Variants in ATF2 observed in about 807,000 individuals in gnomAD.
The protein encoded by ATF2 is activating transcription factor 2, also known as cyclic AMP-dependent transcription factor ATF-2.
In ATF2, 24 loss-of-function variants were observed where a neutral mutation model predicts 60.6. The observed-to-expected ratio is 0.40, with a 90% CI of 0.29 to 0.56. The LOEUF is 0.56. ATF2 is among the 20% of genes least tolerant of loss of function. The probability of loss-of-function intolerance (pLI) is 0.54; values close to 1 mark genes in which losing one functional copy is unlikely to be tolerated. For synonymous variants in ATF2, 206 were observed against 215.4 expected (o/e 0.96, Z 0.38); for missense variants, 433 against 607.7 (o/e 0.71, Z 3.02).
chr2:175,116,629 AAAG>A (rs1574409815), intron 7 of ATF2, among the ~76,000 whole-genome samples: 1 of 151,628 alleles, frequency 6.6e-6, no homozygotes, highest in Non-Finnish European at 1.5e-5. Context: ...GAAAATCAAG[AAAG>A]AAGAAGAGGT....
intron 4 of ATF2, among the ~76,000 whole-genome samples, chr2:175,123,208 AT>A (rs1228450771): frequency 1.3e-5 from 2 of 152,096 alleles, no homozygotes; most frequent in African/African-American, 4.8e-5. Flanking sequence ...CTTTTGACAG[AT>A]TGCTGAATAA....
rs1455881018 is a variant in ATF2, at chr2:175,113,999, C to G, written c.736G>C (p.Val246Leu). 1 of 1,605,266 alleles carries G rather than the reference C, an allele frequency of 6.2e-7. No individual in the cohort carries two copies. The highest frequency in any genetic ancestry group is 1.1e-5 in the South Asian group (1 of 90,100). Residue 246 changes from valine to leucine, a missense_variant, in exon 9 of 14, where the codon GTC becomes CTC. Transcript: ENST00000264110. ...AAATAGTCTAACTTTCTTACTGGGACTGCAGCTGGAACATGCACATTAGAA... is the reference window on the plus strand; with the variant it reads ...AAATAGTCTAACTTTCTTACTGGGAGTGCAGCTGGAACATGCACATTAGAA... ...TSSNVHVPAAVPLVRPVTMVP... is the reference protein window; with the variant it reads ...TSSNVHVPAALPLVRPVTMVP...
intron 10 of ATF2, among the ~76,000 whole-genome samples, chr2:175,107,701 G>C (rs1042102677): frequency 6.6e-6 from 1 of 152,202 alleles, no homozygotes; most frequent in African/African-American, 2.4e-5. Flanking sequence ...GAGTGCCTGC[G>C]ATTGCAGGCG....
At position 175,114,840 on chromosome 2, in the gene ATF2, G is replaced by A; in HGVS notation, c.476C>T (p.Pro159Leu). 6.2e-7 allele frequency: 1 copy of A among 1,613,750 alleles called. No individual in the cohort carries two copies. Among genetic ancestry groups the A allele is most frequent in the Non-Finnish European group, 8.5e-7 (1 of 1,179,760 alleles). Reference protein sequence around the residue: ...KEVPLAQTAQPTSAIVRPASL... With the variant: ...KEVPLAQTAQLTSAIVRPASL... ...TGCTGGACGAACAATAGCTGATGTG[G>A]GCTGTGCAGTTTGTGCCAATGGTAC... Residue 159 changes from proline (P) to leucine (L), a missense_variant, in exon 8 of 14, where the codon CCC becomes CTC. Around this residue, in one of 5 missense-constraint regions of ATF2, gnomAD observed 246 missense variants for 309.3 expected, o/e 0.80. Transcript: ENST00000264110.
At chr2:175,156,188 T>C (rs1331169656) in intron 1 of ATF2, among the ~76,000 whole-genome samples, 2 of 151,872 alleles carry the variant, frequency 1.3e-5, no homozygotes, top group East Asian at 1.9e-4. Flanking sequence ...CTGGCCAACA[T>C]GGTGAAACCC....
At chr2:175,165,355 A>G (rs936980484) in intron 1 of ATF2, among the ~76,000 whole-genome samples, 2 of 152,234 alleles carry the variant, frequency 1.3e-5, no homozygotes, top group Non-Finnish European at 1.5e-5. Flanking sequence ...ACTTATAGGT[A>G]TATTTCATAT....
intron 12 of ATF2, among the ~76,000 whole-genome samples, chr2:175,091,428 A>C (rs1173787357): frequency 3.3e-5 from 5 of 152,218 alleles, no homozygotes; most frequent in African/African-American, 1.2e-4. Flanking sequence ...GAAAATTTAA[A>C]TAATAATAAA....
chr2:175,082,804 C>T (rs1460025844), intron 12 of ATF2, among the ~76,000 whole-genome samples: 1 of 152,096 alleles, frequency 6.6e-6, no homozygotes, highest in Non-Finnish European at 1.5e-5. Flanking sequence ...AAATACATAC[C>T]GTTGTCTTTA....
chr2:175,148,688 T>C (rs999924504), intron 2 of ATF2, among the ~76,000 whole-genome samples: 2 of 152,126 alleles, frequency 1.3e-5, no homozygotes, highest in Non-Finnish European at 2.9e-5. Context: ...GTAAGAAACA[T>C]TTACAGTCTA....
At chr2:175,156,574 A>G in intron 1 of ATF2, among the ~76,000 whole-genome samples, 1 of 152,084 alleles carries the variant, frequency 6.6e-6, no homozygotes, top group East Asian at 1.9e-4. Flanking sequence ...GGAGGGGGCC[A>G]CATGGAAAGC....
intron 1 of ATF2, among the ~76,000 whole-genome samples, chr2:175,156,377 C>CAAAA (rs57399474): frequency 3.6e-5 from 2 of 55,982 alleles, no homozygotes; most frequent in African/African-American, 5.8e-5. Flanking sequence ...TCTCAAAAAA[C>CAAAA]AAAAAAAAAA....
chr2:175,113,499 CAAA>C (rs1313728757), intron 9 of ATF2, among the ~76,000 whole-genome samples: 2 of 152,040 alleles, frequency 1.3e-5, no homozygotes, highest in African/African-American at 4.8e-5. Flanking sequence ...ACACACCCCT[CAAA>C]AAACTTTTTT....
intron 4 of ATF2, 60 bp from the exon 5 acceptor site, chr2:175,121,600 G>C (rs1696955496): frequency 1.6e-6 from 2 of 1,287,208 alleles, no homozygotes; most frequent in Admixed American, 4.0e-5. Flanking sequence ...TAAGTAAAAT[G>C]ATTAGGAAAT....
chr2:175,136,439 T>C lies in ATF2; in HGVS notation c.5A>G (p.Lys2Arg). 1 of 1,610,618 alleles carries C rather than the reference T, an allele frequency of 6.2e-7. No individual in the cohort carries two copies. Among genetic ancestry groups the C allele is most frequent in the East Asian group, 2.2e-5 (1 of 44,688 alleles). M[K>R]FKLHVNSARQ... ...GGCAGAATTCACATGTAACTTGAATTTCATAAGTTGAATAACTTATCACAT... is the reference window on the plus strand; with the variant it reads ...GGCAGAATTCACATGTAACTTGAATCTCATAAGTTGAATAACTTATCACAT... Residue 2 changes from lysine to arginine, a missense_variant, in exon 3 of 14, where the codon AAA becomes AGA. Physicochemically the swap from Lys to Arg is conservative, Grantham distance 26. Coordinates refer to ENST00000264110, the MANE Select transcript of ATF2 (RefSeq NM_001880.4).
chr2:175,155,194 T>G (rs1245318590), intron 1 of ATF2, among the ~76,000 whole-genome samples: 2 of 152,202 alleles, frequency 1.3e-5, no homozygotes, highest in African/African-American at 4.8e-5. Context: ...TCTGCCTACT[T>G]TCCCAGAGCC....
chr2:175,139,004 C>A (rs1698318267), intron 2 of ATF2, among the ~76,000 whole-genome samples: 1 of 152,168 alleles, frequency 6.6e-6, no homozygotes, highest in Non-Finnish European at 1.5e-5. Context: ...TTCAGTTTCA[C>A]CAACTATAAT....
intron 12 of ATF2, among the ~76,000 whole-genome samples, chr2:175,087,345 A>C (rs953373719): frequency 1.3e-5 from 2 of 152,178 alleles, no homozygotes; most frequent in African/African-American, 4.8e-5. Context: ...TGCTAAAAGA[A>C]ATTATTATTC....
rs1574477072 is a variant in ATF2 at position 175,144,938 on chromosome 2, G to A, written c.-44+6122C>T. On this transcript the variant is annotated intron_variant, in intron 2 of 13. Coordinates refer to ENST00000264110, the MANE Select transcript of ATF2 (RefSeq NM_001880.4). ...CAGGCAATTCATTATGTAAATACGTGGATATTGATCAAATAAGTAAACATA... is the reference window on the plus strand; with the variant it reads ...CAGGCAATTCATTATGTAAATACGTAGATATTGATCAAATAAGTAAACATA... Among the ~76,000 whole-genome samples the A allele has an allele frequency of 3.3e-5, 5 of 152,240 alleles. No individual in the cohort carries two copies. In the South Asian group the frequency reaches 1.0e-3, roughly 32 times the overall value.
At chr2:175,110,646 C>T (rs1487348207) in intron 10 of ATF2, among the ~76,000 whole-genome samples, 2 of 151,928 alleles carry the variant, frequency 1.3e-5, no homozygotes, top group Non-Finnish European at 2.9e-5. Context: ...ACTCTGTCAC[C>T]CAGGCTGGAG....
Sources: allele counts gnomAD v4.1 joint callset (sites outside exome capture counted in the v4.1 genomes callset), GRCh38; gene constraint gnomAD v4.1.1; regional missense constraint gnomAD v4.1.1; transcripts MANE v1.5; gene names NCBI Gene and HGNC (gene_info 2026-07-23, HGNC 2026-07-21).